Variants in FHIT observed in about 807,000 individuals in gnomAD.
The protein encoded by FHIT is fragile histidine triad diadenosine triphosphatase, also known as bis(5'-adenosyl)-triphosphatase.
A neutral mutation model predicts 17.9 loss-of-function variants in FHIT; 19 were observed. The ratio of observed to expected loss-of-function variants is 1.06; its 90% CI spans 0.74 to 1.56. The LOEUF is 1.56. Among genes scored for constraint, FHIT ranks in the 40% most tolerant of loss-of-function variants. The pLI is 0.00. For synonymous variants in FHIT, 81 were observed against 69.7 expected (o/e 1.16, Z -0.81); for missense variants, 248 against 189.2 (o/e 1.31, Z -1.82).
At chr3:60,327,057 G>T (rs1243511479) in intron 5 of FHIT, among the ~76,000 whole-genome samples, 1 of 152,116 alleles carries the variant, frequency 6.6e-6, no homozygotes, top group Non-Finnish European at 1.5e-5. Flanking sequence ...GTCGTCCCCA[G>T]GCTTCCTGCA....
intron 5 of FHIT, among the ~76,000 whole-genome samples, chr3:60,141,460 G>T (rs986936978): frequency 6.7e-6 from 1 of 148,794 alleles, no homozygotes; most frequent in Non-Finnish European, 1.5e-5. Context: ...AAGCGAGAAA[G>T]TCCCATCACT....
At chr3:60,514,634 C>G (rs776955306) in intron 5 of FHIT, among the ~76,000 whole-genome samples, 87 of 152,008 alleles carry the variant, frequency 5.7e-4, no homozygotes, top group Middle Eastern at 3.2e-3. Flanking sequence ...CACATGTATC[C>G]CAGAACTTAA....
intron 2 of FHIT, among the ~76,000 whole-genome samples, chr3:61,047,468 A>G (rs937520959): frequency 5.9e-5 from 9 of 152,200 alleles, no homozygotes; most frequent in African/African-American, 2.2e-4. Flanking sequence ...ACCACTGCTC[A>G]ACGAAATAAA....
intron 5 of FHIT, among the ~76,000 whole-genome samples, chr3:60,144,120 G>C (rs1231605707): frequency 6.6e-6 from 1 of 152,142 alleles, no homozygotes; most frequent in Non-Finnish European, 1.5e-5. Flanking sequence ...TGTCCCACAG[G>C]ATTTGTGTTG....
intron 5 of FHIT, among the ~76,000 whole-genome samples, chr3:60,242,500 A>C (rs1559755589): frequency 6.6e-6 from 1 of 152,056 alleles, no homozygotes. Context: ...CATAATCTTC[A>C]TGAGATAAAT....
At chr3:60,411,895 T>G (rs1161323249) in intron 5 of FHIT, among the ~76,000 whole-genome samples, 2 of 152,160 alleles carry the variant, frequency 1.3e-5, no homozygotes, top group Non-Finnish European at 2.9e-5. Context: ...CTAGAAAAAC[T>G]GCTGGATGAC....
At chr3:60,593,696 T>C (rs1553665235) in intron 4 of FHIT, among the ~76,000 whole-genome samples, 1 of 152,106 alleles carries the variant, frequency 6.6e-6, no homozygotes, top group Non-Finnish European at 1.5e-5. Context: ...TCTATTGATC[T>C]CTCCTATGAA....
intron 5 of FHIT, among the ~76,000 whole-genome samples, chr3:60,113,473 C>G (rs550356928): frequency 6.6e-6 from 1 of 151,896 alleles, no homozygotes; most frequent in Admixed American, 6.5e-5. Flanking sequence ...ACTGGTTAGT[C>G]TTTTGGGATT....
At chr3:59,986,498 A>AATATATAT (rs74199531) in intron 7 of FHIT, among the ~76,000 whole-genome samples, 3 of 62,326 alleles carry the variant, frequency 4.8e-5, no homozygotes, top group African/African-American at 1.4e-4. Context: ...AGTAGTCCAA[A>AATATATAT]ATATATATAT....
intron 7 of FHIT, among the ~76,000 whole-genome samples, chr3:60,000,283 T>C (rs1363011756): frequency 1.3e-5 from 2 of 152,234 alleles, no homozygotes; most frequent in African/African-American, 4.8e-5. Flanking sequence ...TGACTTAGAC[T>C]GGGATGGGCA....
Position 60,436,974 on chromosome 3 carries a change from C to T in FHIT, c.103+99886G>A, listed in dbSNP as rs552970252. Among the ~76,000 whole-genome samples, 10 of 152,128 alleles carry T rather than the reference C, an allele frequency of 6.6e-5. No homozygotes were observed. The East Asian group carries it at 1.5e-3, about 24-fold the overall frequency. The stretch of plus-strand genomic sequence containing the variant: ...CACAGCCTACAGGAAAAGATAAAAT[C>T]CAAGTATAAATAAAGTAAAGAACAG... On this transcript the variant is annotated intron_variant, in intron 5 of 9. Coordinates refer to ENST00000492590, the MANE Select transcript of FHIT (RefSeq NM_002012.4).
At chr3:60,116,397 A>G (rs1279229538) in intron 5 of FHIT, among the ~76,000 whole-genome samples, 1 of 151,964 alleles carries the variant, frequency 6.6e-6, no homozygotes, top group Non-Finnish European at 1.5e-5. Context: ...CACCATTTGA[A>G]CTCGATCCTC....
intron 5 of FHIT, among the ~76,000 whole-genome samples, chr3:60,408,066 T>G (rs143106615): frequency 6.6e-6 from 1 of 152,170 alleles, no homozygotes; most frequent in Admixed American, 6.5e-5. Flanking sequence ...TTTCCTCAAG[T>G]CTTTTCAACC....
At chr3:60,101,559 C>T (rs1279308353) in intron 5 of FHIT, among the ~76,000 whole-genome samples, 1 of 152,190 alleles carries the variant, frequency 6.6e-6, no homozygotes, top group Non-Finnish European at 1.5e-5. Flanking sequence ...TCTTCCTGCT[C>T]CTTTTTACAC....
chr3:60,576,155 C>G (rs887696331), intron 4 of FHIT, among the ~76,000 whole-genome samples: 2 of 151,870 alleles, frequency 1.3e-5, no homozygotes, highest in African/African-American at 4.8e-5. Flanking sequence ...TTACCCAACA[C>G]AAGGCTGTAT....
intron 8 of FHIT, among the ~76,000 whole-genome samples, chr3:59,810,109 G>C (rs573653714): frequency 1.3e-5 from 2 of 152,232 alleles, no homozygotes; most frequent in South Asian, 4.1e-4. Flanking sequence ...GGGATTGTGA[G>C]AGGGCTCCTG....
At chr3:60,549,620 T>C (rs73105632) in intron 4 of FHIT, among the ~76,000 whole-genome samples, 6,968 of 152,282 alleles carry the variant, frequency 0.046, 235 homozygotes, top group Non-Finnish European at 0.069. Flanking sequence ...ACTTTGTTAA[T>C]GCCAGGCATT....
At chr3:60,887,699 T>G (rs782382701) in intron 3 of FHIT, among the ~76,000 whole-genome samples, 22 of 152,034 alleles carry the variant, frequency 1.4e-4, no homozygotes, top group Admixed American at 2.6e-4. Flanking sequence ...TAAGCTCCCT[T>G]TTACCAAAAA....
At chr3:60,873,837 A>G (rs540616934) in intron 3 of FHIT, among the ~76,000 whole-genome samples, 22 of 152,270 alleles carry the variant, frequency 1.4e-4, no homozygotes, top group Admixed American at 2.6e-4. Context: ...AGCCCTTTAC[A>G]ATATTTAGAT....
Sources: gnomAD v4.1 joint callset for allele counts (sites outside exome capture counted in the v4.1 genomes callset) on GRCh38, gnomAD v4.1.1 for gene constraint, MANE v1.5 for transcripts, NCBI Gene and HGNC (gene_info 2026-07-23, HGNC 2026-07-21) for gene names.